SLIT3: variants seen among roughly 807,000 people sequenced by gnomAD.
SLIT3 encodes slit homolog 3 protein.
SLIT3 carries 68 observed loss-of-function variants against 184.0 expected under a neutral mutation model. That is an observed-to-expected ratio of 0.37 (90% CI 0.30 to 0.45). The LOEUF (loss-of-function observed/expected upper bound fraction) is 0.45. SLIT3 is among the 20% of genes least tolerant of loss of function. The pLI is 1.00. For missense variants in SLIT3, 1,707 were observed against 2,026.0 expected, an observed-to-expected ratio of 0.84 and a Z score of 3.02; for synonymous variants, 831 against 828.6, an observed-to-expected ratio of 1.00 and a Z score of -0.05.
chr5:168,844,891 T>TTACTGA (rs1201664585), intron 5 of SLIT3: 1 of 459,638 alleles, frequency 2.2e-6, no homozygotes, highest in Non-Finnish European at 3.9e-6. Flanking sequence ...AAATATTAAT[T>TTACTGA]GCGCATTTTT....
chr5:169,149,014 CAG>C (rs905677459), intron 4 of SLIT3, among the ~76,000 whole-genome samples: 2 of 152,136 alleles, frequency 1.3e-5, no homozygotes, highest in Non-Finnish European at 2.9e-5. Context: ...GAGGAGAAAA[CAG>C]AGACAGAAAG....
chr5:168,816,734 G>A (rs1278872376), intron 8 of SLIT3, among the ~76,000 whole-genome samples: 3 of 152,168 alleles, frequency 2.0e-5, no homozygotes, highest in Non-Finnish European at 4.4e-5. Context: ...CTTTTACCAA[G>A]GGCTGTGTAT....
rs949289942 is a variant in SLIT3, at chr5:169,154,118, A to G, written c.413+39361T>C. ...CTCCTGAGTAGCTGGGACTACAGGCACCCACCACCAAGCCTGGCTAATTTT... is the reference window on the plus strand; with the variant it reads ...CTCCTGAGTAGCTGGGACTACAGGCGCCCACCACCAAGCCTGGCTAATTTT... On this transcript the variant is annotated intron_variant, in intron 4 of 35. Coordinates refer to ENST00000519560, the MANE Select transcript of SLIT3 (RefSeq NM_003062.4). Among the ~76,000 whole-genome samples, 9 of 152,010 alleles carry G rather than the reference A, an allele frequency of 5.9e-5. No homozygotes were observed. The East Asian group carries it at 9.7e-4, about 16-fold the overall frequency.
chr5:169,053,436 T>C (rs116728108), intron 4 of SLIT3, among the ~76,000 whole-genome samples: 1,901 of 152,346 alleles, frequency 0.012, 40 homozygotes, highest in African/African-American at 0.044. Context: ...CTTCCATTTC[T>C]TCCTCTCTAG....
chr5:169,102,905 T>C (rs1049562836), intron 4 of SLIT3, among the ~76,000 whole-genome samples: 6 of 152,214 alleles, frequency 3.9e-5, no homozygotes, highest in African/African-American at 7.2e-5. Context: ...AAATCACAAG[T>C]CACCTCTCTT....
chr5:169,092,275 C>A (rs1759618734), intron 4 of SLIT3, among the ~76,000 whole-genome samples: 1 of 152,068 alleles, frequency 6.6e-6, no homozygotes, highest in Non-Finnish European at 1.5e-5. Context: ...TTCATATTGA[C>A]CCACAGAGTG....
chr5:168,840,413 C>A (rs1421583965), intron 6 of SLIT3, among the ~76,000 whole-genome samples: 1 of 151,634 alleles, frequency 6.6e-6, no homozygotes, highest in Non-Finnish European at 1.5e-5. Flanking sequence ...TTTAACTTGT[C>A]CCTACTTTTT....
chr5:168,839,340 G>A (rs549892127), intron 6 of SLIT3, among the ~76,000 whole-genome samples: 32 of 152,186 alleles, frequency 2.1e-4, no homozygotes, highest in South Asian at 4.1e-4. Context: ...GTCAGCACAG[G>A]GGCCACGTGG....
chr5:168,992,535 T>G (rs912777954), intron 4 of SLIT3, among the ~76,000 whole-genome samples: 4 of 152,246 alleles, frequency 2.6e-5, no homozygotes, highest in Admixed American at 2.0e-4. Context: ...TTCAAACTCT[T>G]TTTTAAAGCA....
At chr5:168,900,946 C>G (rs1760845447) in intron 4 of SLIT3, among the ~76,000 whole-genome samples, 1 of 152,126 alleles carries the variant, frequency 6.6e-6, no homozygotes, top group African/African-American at 2.4e-5. Flanking sequence ...AATGGAGCCT[C>G]AGAAGCGTGA....
intron 4 of SLIT3, among the ~76,000 whole-genome samples, chr5:169,139,083 G>T (rs1046317653): frequency 2.6e-5 from 4 of 152,190 alleles, no homozygotes; most frequent in Non-Finnish European, 5.9e-5. Context: ...CAAGACTGGA[G>T]ACAAGTCCTC....
At chr5:169,246,470 G>A (rs565681063) in intron 2 of SLIT3, among the ~76,000 whole-genome samples, 13 of 152,172 alleles carry the variant, frequency 8.5e-5, no homozygotes, top group African/African-American at 2.7e-4. Flanking sequence ...CACATTAGCT[G>A]ATGATATAAG....
chr5:168,916,114 TCACCAC>T (rs531083408), intron 4 of SLIT3, among the ~76,000 whole-genome samples: 9 of 152,036 alleles, frequency 5.9e-5, no homozygotes, highest in Non-Finnish European at 1.0e-4. Context: ...AATGGCAAAA[TCACCAC>T]CACCACCACC....
At chr5:168,860,392 T>A (rs564773814) in intron 5 of SLIT3, among the ~76,000 whole-genome samples, 12 of 152,184 alleles carry the variant, frequency 7.9e-5, no homozygotes, top group African/African-American at 2.9e-4. Flanking sequence ...GACTCTTTCA[T>A]TCCATCTGGG....
chr5:169,002,619 G>A (rs1385654128), intron 4 of SLIT3, among the ~76,000 whole-genome samples: 2 of 152,172 alleles, frequency 1.3e-5, no homozygotes, highest in African/African-American at 4.8e-5. Context: ...TGGTGTGCAG[G>A]CAACCAGTGG....
intron 4 of SLIT3, among the ~76,000 whole-genome samples, chr5:169,169,608 A>C (rs188025962): frequency 1.1e-4 from 17 of 152,322 alleles, no homozygotes; most frequent in Admixed American, 5.2e-4. Flanking sequence ...GATCCCTGGC[A>C]AGGAAAGTCT....
intron 1 of SLIT3, among the ~76,000 whole-genome samples, chr5:169,265,701 G>C (rs1381524530): frequency 6.6e-6 from 1 of 152,178 alleles, no homozygotes; most frequent in Non-Finnish European, 1.5e-5. Flanking sequence ...CTAGGATACT[G>C]CAAGAATTAA....
In SLIT3 at chr5:168,673,168, G is replaced by A. The variant is rs755636894; in HGVS notation, c.3841+9C>T. ...GGGAGGTAGAGGTGGTAGGGAAAGA[G>A]GGCATTACCTCCAAGGTAGAGGGGG... On this transcript the variant is annotated intron_variant, in intron 33 of 35. Coordinates refer to ENST00000519560, the MANE Select transcript of SLIT3 (RefSeq NM_003062.4). 2 of 1,613,560 alleles carry A rather than the reference G, an allele frequency of 1.2e-6. No homozygotes were observed. The highest frequency in any genetic ancestry group is 1.7e-6 in the Non-Finnish European group (2 of 1,179,536).
chr5:168,878,176 C>CT (rs1295498436), intron 5 of SLIT3, among the ~76,000 whole-genome samples: 1 of 152,206 alleles, frequency 6.6e-6, no homozygotes, highest in African/African-American at 2.4e-5. Context: ...TCTTTAAATA[C>CT]AGCACCTTCC....
Sources: gnomAD v4.1 joint callset for allele counts (sites outside exome capture counted in the v4.1 genomes callset) on GRCh38, gnomAD v4.1.1 for gene constraint, MANE v1.5 for transcripts, NCBI Gene and HGNC (gene_info 2026-07-23, HGNC 2026-07-21) for gene names.